The following FAM83C variants were observed in gnomAD, a reference collection of about 807,000 sequenced individuals.
The protein encoded by FAM83C is scaffolding CK1 anchoring protein C, also known as protein FAM83C.
Under a neutral mutation model 27.1 loss-of-function variants are expected in FAM83C, and 23 were observed. The ratio of observed to expected loss-of-function variants is 0.85; its 90% CI spans 0.61 to 1.20. The LOEUF (loss-of-function observed/expected upper bound fraction) is 1.20. FAM83C is among the 50% of genes most tolerant of loss of function. The pLI is 0.00. For missense variants in FAM83C, 984 were observed against 1,001.3 expected, an observed-to-expected ratio of 0.98 and a Z score of 0.23; for synonymous variants, 426 against 423.1, an observed-to-expected ratio of 1.01 and a Z score of -0.09.
Position 35,288,704 on chromosome 20 carries a change from C to T in FAM83C, c.681+87G>A, listed in dbSNP as rs528648476. The T allele has an allele frequency of 1.8e-5, 28 of 1,550,026 alleles. No homozygotes were observed. The African/African-American group carries it at 3.4e-4, about 19-fold the overall frequency. On this transcript the variant is annotated intron_variant, in intron 2 of 3. Transcript: ENST00000374408. ...ACCCACCCCCCACTCCCAGTGCCCC[C>T]CAGTGCTGACTGGCCACCCACTGGC... is the stretch of plus-strand genomic sequence containing the variant.
intron 1 of FAM83C, among the ~76,000 whole-genome samples, chr20:35,290,735 A>C (rs566116413): frequency 1.3e-5 from 2 of 152,302 alleles, no homozygotes; most frequent in East Asian, 3.9e-4. Context: ...TGGGGGAACA[A>C]GGACAGGCAG....
At position 35,292,232 on chromosome 20, in the gene FAM83C, C is replaced by A; in HGVS notation, c.73G>T (p.Glu25Ter). The A allele has an allele frequency of 1.9e-6, 3 of 1,575,050 alleles. No individual in the cohort carries two copies. The highest frequency in any genetic ancestry group is 8.6e-7 in the Non-Finnish European group (1 of 1,168,644). The part of the protein sequence containing the change: ...MAGPLRGRVE[E>*]LKLPWWRESS... ...TCCCGCCACCACGGCAGCTTCAGCT[C>A]TTCCACCCGGCCCCGCAGGGGTCCC... The change falls in exon 1 of 4, where the codon GAG becomes TAG. Residue 25 changes from glutamate to a stop codon, truncating the protein, a stop_gained. Transcript: ENST00000374408. LOFTEE classifies it high-confidence loss of function.
chr20:35,286,547 G>T lies in FAM83C; in HGVS notation c.2232C>A (p.Arg744=), dbSNP rs747879494. 6.2e-7 allele frequency: 1 copy of T among 1,610,274 alleles called. No individual in the cohort carries two copies. The highest frequency in any genetic ancestry group is 1.3e-5 in the African/African-American group (1 of 75,032). Residue 744 remains arginine (R), a synonymous_variant, in exon 4 of 4, where the codon CGC becomes CGA. Transcript: ENST00000374408. The part of the protein sequence containing the change: ...NKSKFKQLRS[R]FES ...GCCAGTCCTTTGGCTAGGACTCAAA[G>T]CGGCTTCGGAGCTGCTTGAACTTGG...
At position 35,286,354 on chromosome 20, in the gene FAM83C, G is replaced by GGT. The variant is rs768786300; in HGVS notation, c.*179_*180dup. The GGT allele has an allele frequency of 6.4e-4, 326 of 512,348 alleles. No homozygotes were observed. Among genetic ancestry groups the GGT allele is most frequent in the Middle Eastern group, 1.1e-3 (2 of 1,810 alleles). 31.7% of individuals were successfully genotyped at this position (512,348 alleles called of 1,614,324 possible). A position where few individuals can be genotyped will look rare whatever the true frequency, so the allele number is the denominator to read the frequency against. ...CTAGATTCAAGAAGATACTAGTTAG[G>GGT]GTGTGTGTGTGTGTGTGTGTGTGTG... On this transcript the variant is annotated 3_prime_UTR_variant, in exon 4 of 4. Coordinates refer to ENST00000374408, the MANE Select transcript of FAM83C (RefSeq NM_178468.6).
chr20:35,286,938 G>A lies in FAM83C; in HGVS notation c.1841C>T (p.Ser614Phe), dbSNP rs2060828775. 6.2e-7 allele frequency: 1 copy of A among 1,614,010 alleles called. No homozygotes were observed. Among genetic ancestry groups the A allele is most frequent in the Non-Finnish European group, 8.5e-7 (1 of 1,180,046 alleles). The change falls in exon 4 of 4, where the codon TCC becomes TTC. Residue 614 changes from serine (S) to phenylalanine (F), a missense_variant. Coordinates refer to ENST00000374408, the MANE Select transcript of FAM83C (RefSeq NM_178468.6). ...TGCCCGTCTGGCAGGTCTGGCTGAG[G>A]AGTTGGTTTCAAGGGGCACTCTGGA... ...QGSRVPLETN[S>F]SARPARRAPD...
intron 1 of FAM83C, among the ~76,000 whole-genome samples, chr20:35,291,451 T>C (rs1038165861): frequency 2.0e-5 from 3 of 152,184 alleles, no homozygotes; most frequent in Non-Finnish European, 4.4e-5. Flanking sequence ...CATAAAACTT[T>C]TTGAGAATCT....
Position 35,286,592 on chromosome 20 carries a change from G to A in FAM83C, c.2187C>T (p.Leu729=). The A allele has an allele frequency of 6.2e-7, 1 of 1,614,128 alleles. No individual in the cohort carries two copies. Among genetic ancestry groups the A allele is most frequent in the Non-Finnish European group, 8.5e-7 (1 of 1,180,006 alleles). The change falls in exon 4 of 4, where the codon CTC becomes CTT. Residue 729 remains leucine (L), a synonymous_variant. Coordinates refer to ENST00000374408, the MANE Select transcript of FAM83C (RefSeq NM_178468.6). The part of the protein sequence containing the change: ...RLTLGHSKLD[L]ITKYNKSKFK... ...ACTTGGACTTGTTGTACTTAGTGAT[G>A]AGGTCCAGTTTGCTGTGACCCAGGG...
chr20:35,288,569 C>G lies in FAM83C; in HGVS notation c.698G>C (p.Ser233Thr). 1 of 1,614,198 alleles carries G rather than the reference C, an allele frequency of 6.2e-7. No individual in the cohort carries two copies. Among genetic ancestry groups the G allele is most frequent in the Admixed American group, 1.7e-5 (1 of 60,020 alleles). The part of the protein sequence containing the change: ...GEHLPNMRVR[S>T]TCGDTYCSKA... ...GCTGCAGTATGTGTCCCCACACGTG[C>G]TCCGCACACGCATGTTCTAGGTGGA... The change falls in exon 3 of 4, where the codon AGC becomes ACC. Residue 233 changes from serine to threonine, a missense_variant. Ser to Thr is a moderately conservative substitution (Grantham distance 58, BLOSUM62 1). Coordinates refer to ENST00000374408, the MANE Select transcript of FAM83C (RefSeq NM_178468.6).
At position 35,288,470 on chromosome 20, in the gene FAM83C, C is replaced by T. The variant is rs776489430; in HGVS notation, c.797G>A (p.Gly266Asp). Reference protein sequence around the residue: ...VLIDCEQVVAGSYSFTWLCSQ... With the variant: ...VLIDCEQVVADSYSFTWLCSQ... ...CCTCGTGCCTGCTCACCTGTAACTGCCCGCCACCACTTGCTCACAGTCAAT... is the reference window on the plus strand; with the variant it reads ...CCTCGTGCCTGCTCACCTGTAACTGTCCGCCACCACTTGCTCACAGTCAAT... Residue 266 changes from glycine (G) to aspartate (D), a missense_variant, in exon 3 of 4, where the codon GGC becomes GAC. Physicochemically the swap from Gly to Asp is moderately conservative, Grantham distance 94. Transcript: ENST00000374408. 11 of 1,614,100 alleles carry T rather than the reference C, an allele frequency of 6.8e-6. No homozygotes were observed. Among genetic ancestry groups the T allele is most frequent in the Non-Finnish European group, 8.5e-6 (10 of 1,180,002 alleles).
intron 3 of FAM83C, 151 bp from the exon 4 acceptor site, chr20:35,288,123 C>A: frequency 1.4e-6 from 1 of 737,586 alleles, no homozygotes; most frequent in Non-Finnish European, 2.1e-6. Context: ...AGCTCCAACT[C>A]CAGAGTCTGT....
At chr20:35,289,014 C>T (rs1246883684) in intron 1 of FAM83C, 56 bp from the exon 2 acceptor site, 12 of 1,560,488 alleles carry the variant, frequency 7.7e-6, no homozygotes, top group Non-Finnish European at 1.0e-5. Flanking sequence ...TCCCCACATC[C>T]AGCCAAACCT....
At position 35,287,305 on chromosome 20, in the gene FAM83C, C is replaced by A; in HGVS notation, c.1474G>T (p.Val492Leu). 6.2e-7 allele frequency: 1 copy of A among 1,613,654 alleles called. No individual in the cohort carries two copies. Among genetic ancestry groups the A allele is most frequent in the Non-Finnish European group, 8.5e-7 (1 of 1,180,040 alleles). Residue 492 changes from valine (V) to leucine (L), a missense_variant, in exon 4 of 4, where the codon GTG (valine) becomes TTG (leucine). By Grantham distance (32) the Val-to-Leu change is conservative. Transcript: ENST00000374408. Reference protein sequence around the residue: ...RWVPGTTLETVEEKEKKASPS... With the variant: ...RWVPGTTLETLEEKEKKASPS... ...GATGCCTTCTTCTCCTTCTCCTCCA[C>A]TGTCTCCAGGGTTGTGCCAGGTACC...
At chr20:35,290,669 C>A (rs2060844407) in intron 1 of FAM83C, among the ~76,000 whole-genome samples, 1 of 152,196 alleles carries the variant, frequency 6.6e-6, no homozygotes, top group Non-Finnish European at 1.5e-5. Context: ...TAAATGGGGG[C>A]TGAGAAGGCG....
At position 35,286,355 on chromosome 20, in the gene FAM83C, GT is replaced by G. The variant is rs1459028232; in HGVS notation, c.*179del. 0.074 allele frequency: 17,846 copies of G among 242,090 alleles called. 7 individuals carry two copies. The highest frequency in any genetic ancestry group is 0.16 in the South Asian group (2,928 of 18,540). 15.0% of individuals were successfully genotyped at this position (242,090 alleles called of 1,614,324 possible). On this transcript the variant is annotated 3_prime_UTR_variant, in exon 4 of 4. Transcript: ENST00000374408. ...TAGATTCAAGAAGATACTAGTTAGG[GT>G]GTGTGTGTGTGTGTGTGTGTGTGTG...
Position 35,287,229 on chromosome 20 carries a change from G to C in FAM83C, c.1550C>G (p.Ala517Gly). ...AGAGTCAGGGTCTCCCACTTCTCGGGCTCTGGGGAAGGGGACAAGGAGATC... is the reference window on the plus strand; with the variant it reads ...AGAGTCAGGGTCTCCCACTTCTCGGCCTCTGGGGAAGGGGACAAGGAGATC... ...QLDLLVPFPR[A>G]REVGDPDSGV... The change falls in exon 4 of 4, where the codon GCC becomes GGC. Residue 517 changes from alanine to glycine, a missense_variant. Ala to Gly is a moderately conservative substitution (Grantham distance 60). Transcript: ENST00000374408. 4 of 1,612,858 alleles carry C rather than the reference G, an allele frequency of 2.5e-6. No individual in the cohort carries two copies. Among genetic ancestry groups the C allele is most frequent in the Non-Finnish European group, 3.4e-6 (4 of 1,180,002 alleles).
At position 35,287,909 on chromosome 20, in the gene FAM83C, C is replaced by A; in HGVS notation, c.870G>T (p.Val290=). ...SMVLQLRGRI[V]EDFDREFRCL... ...AGCGGAACTCCCGGTCAAAGTCTTC[C>A]ACGATGCGGCCCCTCAGCTGCAGCA... The change falls in exon 4 of 4, where the codon GTG becomes GTT. Residue 290 remains valine, a synonymous_variant. Coordinates refer to ENST00000374408, the MANE Select transcript of FAM83C (RefSeq NM_178468.6). The A allele has an allele frequency of 6.4e-7, 1 of 1,556,226 alleles. No individual in the cohort carries two copies. The highest frequency in any genetic ancestry group is 8.7e-7 in the Non-Finnish European group (1 of 1,149,260).
At chr20:35,288,066 C>T (rs561671821) in intron 3 of FAM83C, 94 bp from the exon 4 acceptor site, 53 of 1,083,616 alleles carry the variant, frequency 4.9e-5, no homozygotes, top group East Asian at 4.1e-4. Flanking sequence ...TGGTCCAGCA[C>T]GCTAGACCCA....
Position 35,286,598 on chromosome 20 carries a change from C to A in FAM83C, c.2181G>T (p.Leu727=). The A allele has an allele frequency of 6.2e-7, 1 of 1,614,108 alleles. No homozygotes were observed. The highest frequency in any genetic ancestry group is 8.5e-7 in the Non-Finnish European group (1 of 1,180,008). The change falls in exon 4 of 4, where the codon CTG becomes CTT. Residue 727 remains leucine (L), a synonymous_variant. Transcript: ENST00000374408. The stretch of plus-strand genomic sequence containing the variant: ...ACTTGTTGTACTTAGTGATGAGGTC[C>A]AGTTTGCTGTGACCCAGGGTCAGCC... ...EKRLTLGHSK[L]DLITKYNKSK...
In FAM83C at chr20:35,288,836, G is replaced by A. The variant is rs778668125; in HGVS notation, c.636C>T (p.Phe212=). 1 of 1,613,994 alleles carries A rather than the reference G, an allele frequency of 6.2e-7. No individual in the cohort carries two copies. Among genetic ancestry groups the A allele is most frequent in the Middle Eastern group, 1.7e-4 (1 of 6,056 alleles). ...GGTCCATCTTGTAGCACATCTCCAGGAAGTGCCTCAGGTGCTCCTGGGCAA... is the reference window on the plus strand; with the variant it reads ...GGTCCATCTTGTAGCACATCTCCAGAAAGTGCCTCAGGTGCTCCTGGGCAA... ...LLLAQEHLRH[F]LEMCYKMDLN... The change falls in exon 2 of 4, where the codon TTC becomes TTT. Residue 212 remains phenylalanine, a synonymous_variant. Coordinates refer to ENST00000374408, the MANE Select transcript of FAM83C (RefSeq NM_178468.6).
Sources: allele counts gnomAD v4.1 joint callset (sites outside exome capture counted in the v4.1 genomes callset), GRCh38; gene constraint gnomAD v4.1.1; transcripts MANE v1.5; gene names NCBI Gene and HGNC (gene_info 2026-07-23, HGNC 2026-07-21).